DUSP16: variants seen among roughly 807,000 people sequenced by gnomAD.
DUSP16 encodes the protein dual specificity protein phosphatase 16.
Under a neutral mutation model 58.3 loss-of-function variants are expected in DUSP16, and 21 were observed. That is an observed-to-expected ratio of 0.36 (90% CI 0.26 to 0.52). DUSP16 has a LOEUF of 0.52. Ranked by LOEUF, DUSP16 falls within the 20% of genes least tolerant of loss-of-function variation. DUSP16 has a pLI of 0.94. For synonymous variants in DUSP16, 320 were observed against 323.8 expected (o/e 0.99, Z 0.12); for missense variants, 726 against 819.0 (o/e 0.89, Z 1.39).
intron 1 of DUSP16, among the ~76,000 whole-genome samples, chr12:12,552,749 T>C (rs928184182): frequency 2.0e-5 from 3 of 152,184 alleles, no homozygotes; most frequent in Admixed American, 2.0e-4. Flanking sequence ...ACCTTTTTCA[T>C]AAAAGCATAT....
intron 3 of DUSP16, among the ~76,000 whole-genome samples, chr12:12,513,302 A>G (rs1039046969): frequency 2.0e-5 from 3 of 152,226 alleles, no homozygotes; most frequent in Admixed American, 2.0e-4. Flanking sequence ...TAATGCTTTA[A>G]AACAATTTAT....
intron 3 of DUSP16, among the ~76,000 whole-genome samples, chr12:12,510,179 A>G (rs1222360245): frequency 6.6e-6 from 1 of 152,124 alleles, no homozygotes; most frequent in Non-Finnish European, 1.5e-5. Flanking sequence ...TAGGAAACCA[A>G]TGAGACACCA....
chr12:12,490,523 G>C (rs76655920), intron 4 of DUSP16, among the ~76,000 whole-genome samples: 2,002 of 152,254 alleles, frequency 0.013, 53 homozygotes, highest in African/African-American at 0.045. Flanking sequence ...AGTTAAGGGG[G>C]AAATCATTAA....
At chr12:12,532,704 T>G (rs571061723) in intron 1 of DUSP16, among the ~76,000 whole-genome samples, 1 of 152,118 alleles carries the variant, frequency 6.6e-6, no homozygotes, top group Non-Finnish European at 1.5e-5. Flanking sequence ...TCCTAGCACT[T>G]TGGGAGGCCA....
intron 3 of DUSP16, among the ~76,000 whole-genome samples, chr12:12,515,477 G>A (rs1277819013): frequency 2.0e-5 from 3 of 151,810 alleles, no homozygotes; most frequent in South Asian, 2.1e-4. Flanking sequence ...ACAGGCATGC[G>A]CCACCACACC....
chr12:12,533,312 C>T (rs1478866853), intron 1 of DUSP16, among the ~76,000 whole-genome samples: 1 of 152,222 alleles, frequency 6.6e-6, no homozygotes, highest in Admixed American at 6.5e-5. Flanking sequence ...AGATGACTTT[C>T]ATTGCTCTCA....
At chr12:12,543,166 G>A (rs905955976) in intron 1 of DUSP16, among the ~76,000 whole-genome samples, 5 of 149,818 alleles carry the variant, frequency 3.3e-5, no homozygotes, top group Admixed American at 2.3e-4. Context: ...GAAGAATGTC[G>A]TTGTGTCAAC....
chr12:12,520,152 C>T lies in DUSP16; in HGVS notation c.229-152G>A, dbSNP rs190593319. The T allele has an allele frequency of 4.6e-3, 3,784 of 827,432 alleles. 38 individuals carry two copies. The highest frequency in any genetic ancestry group is 4.0e-3 in the Non-Finnish European group (2,173 of 542,746). 51.3% of individuals were successfully genotyped at this position (827,432 alleles called of 1,614,324 possible). A position where few individuals can be genotyped will look rare whatever the true frequency, so the allele number is the denominator to read the frequency against. ...ATAAAAATGAGATGTAGTCAATTTA[C>T]GAGACAGACACATACAAAACTCTTA... On this transcript the variant is annotated intron_variant, in intron 2 of 6. Transcript: ENST00000298573.
rs59499569 is a variant in DUSP16, at chr12:12,554,196, C to CAAAAAAAAAAAAAAAAAAAAAAAAAAAA, written c.-366+7920_-366+7921insTTTTTTTTTTTTTTTTTTTTTTTTTTTT. The stretch of plus-strand genomic sequence containing the variant: ...TGGGTGACAGAGTGAAACTGGGTCT[C>CAAAAAAAAAAAAAAAAAAAAAAAAAAAA]AAAAAAAAAAAAAAAAAAAAAAAGC... On this transcript the variant is annotated intron_variant, in intron 1 of 6. Transcript: ENST00000298573. Among the ~76,000 whole-genome samples the CAAAAAAAAAAAAAAAAAAAAAAAAAAAA allele has an allele frequency of 3.0e-5, 2 of 66,160 alleles. 1 individual carries two copies. The highest frequency in any genetic ancestry group is 6.1e-5 in the Non-Finnish European group (2 of 32,936). 43.4% of individuals were successfully genotyped at this position (66,160 alleles called of 152,430 possible).
rs977326646 is a variant in DUSP16 at position 12,537,179 on chromosome 12, A to C, written c.-365-15716T>G. On this transcript the variant is annotated intron_variant, in intron 1 of 6. Transcript: ENST00000298573. Reference sequence around the variant, plus strand: ...TTTTATAGATAACTTTCATAACAGAAAACTATATATATTTTTAATAAGACG... The same window carrying C: ...TTTTATAGATAACTTTCATAACAGACAACTATATATATTTTTAATAAGACG... Among the ~76,000 whole-genome samples, 8 of 152,328 alleles carry C rather than the reference A, an allele frequency of 5.3e-5. No individual in the cohort carries two copies. In the South Asian group the frequency reaches 8.3e-4, roughly 16 times the overall value.
At chr12:12,479,038 G>A (rs1296654402) in intron 6 of DUSP16, among the ~76,000 whole-genome samples, 1 of 152,056 alleles carries the variant, frequency 6.6e-6, no homozygotes, top group African/African-American at 2.4e-5. Context: ...ACTAAATGAT[G>A]GTGCTGGATT....
chr12:12,546,523 A>T (rs1243455662), intron 1 of DUSP16, among the ~76,000 whole-genome samples: 1 of 152,154 alleles, frequency 6.6e-6, no homozygotes, highest in East Asian at 1.9e-4. Flanking sequence ...CTATTTACAC[A>T]CCCAGGTGTT....
At chr12:12,553,414 C>G (rs1944760433) in intron 1 of DUSP16, among the ~76,000 whole-genome samples, 2 of 152,200 alleles carry the variant, frequency 1.3e-5, no homozygotes, top group African/African-American at 4.8e-5. Flanking sequence ...GTTTCCTCAT[C>G]TGTAAAATGG....
intron 1 of DUSP16, among the ~76,000 whole-genome samples, chr12:12,540,949 C>CTTTTTTT (rs1191975095): frequency 4.6e-4 from 20 of 43,804 alleles, no homozygotes; most frequent in Non-Finnish European, 7.0e-4. Context: ...CTTTTCTTTT[C>CTTTTTTT]TTTTTTTTTT....
At chr12:12,559,236 G>T (rs1944857860) in intron 1 of DUSP16, among the ~76,000 whole-genome samples, 1 of 152,140 alleles carries the variant, frequency 6.6e-6, no homozygotes, top group Non-Finnish European at 1.5e-5. Flanking sequence ...TTTTGTTTAA[G>T]CCAACATTCG....
intron 3 of DUSP16, among the ~76,000 whole-genome samples, chr12:12,508,280 G>A (rs1944027028): frequency 6.6e-6 from 1 of 151,848 alleles, no homozygotes; most frequent in Non-Finnish European, 1.5e-5. Context: ...AATTCTTTCG[G>A]GATCAGCAGA....
chr12:12,478,905 C>T (rs1228532050), intron 6 of DUSP16, among the ~76,000 whole-genome samples: 4 of 152,214 alleles, frequency 2.6e-5, no homozygotes, highest in Non-Finnish European at 5.9e-5. Context: ...GTGTGCTAAG[C>T]ACTGTGCTTA....
chr12:12,545,013 G>A (rs1944621233), intron 1 of DUSP16, among the ~76,000 whole-genome samples: 1 of 152,078 alleles, frequency 6.6e-6, no homozygotes, highest in Admixed American at 6.6e-5. Flanking sequence ...ATTCAATAGT[G>A]TGAATCCTAC....
At chr12:12,516,451 CAATT>C (rs1384993826) in intron 3 of DUSP16, among the ~76,000 whole-genome samples, 1 of 152,214 alleles carries the variant, frequency 6.6e-6, no homozygotes, top group African/African-American at 2.4e-5. Flanking sequence ...TGACTGTTCT[CAATT>C]AACATGAATT....
Sources: gnomAD v4.1 joint callset for allele counts (sites outside exome capture counted in the v4.1 genomes callset) on GRCh38, gnomAD v4.1.1 for gene constraint, MANE v1.5 for transcripts, NCBI Gene and HGNC (gene_info 2026-07-23, HGNC 2026-07-21) for gene names.